The following TTC28 variants were observed in gnomAD, a reference collection of about 807,000 sequenced individuals.
TTC28 encodes tetratricopeptide repeat domain 28, also known as tetratricopeptide repeat protein 28.
A neutral mutation model predicts 198.0 loss-of-function variants in TTC28; 61 were observed. The ratio of observed to expected loss-of-function variants is 0.31; its 90% CI spans 0.25 to 0.38. TTC28 has a LOEUF of 0.38. Ranked by LOEUF, TTC28 falls within the 10% of genes least tolerant of loss-of-function variation. The probability of loss-of-function intolerance (pLI) is 1.00; values close to 1 mark genes in which losing one functional copy is unlikely to be tolerated. For missense variants in TTC28, 2,678 were observed against 3,164.0 expected, an observed-to-expected ratio of 0.85 and a Z score of 3.69; for synonymous variants, 1,171 against 1,297.8, an observed-to-expected ratio of 0.90 and a Z score of 2.10.
In TTC28 at chr22:28,629,555, T is replaced by C; in HGVS notation, c.378A>G (p.Pro126=). 1.3e-6 allele frequency: 2 copies of C among 1,546,836 alleles called. No individual in the cohort carries two copies. The highest frequency in any genetic ancestry group is 1.7e-6 in the Non-Finnish European group (2 of 1,144,404). The change falls in exon 2 of 23, where the codon CCA becomes CCG. Residue 126 remains proline, a synonymous_variant. Transcript: ENST00000397906. ...IKARLLNPKW[P]KAYFRQGVAL... is the part of the protein sequence containing the mutation. ...CTTCATAGGTAAAAATTTCTACCTT[T>C]GGCCACTTGGGATTGAGAAGTCGAG...
chr22:28,272,224 C>A (rs983711643), intron 5 of TTC28, among the ~76,000 whole-genome samples: 4 of 152,128 alleles, frequency 2.6e-5, no homozygotes, highest in African/African-American at 9.7e-5. Context: ...AATGTTAGCA[C>A]AATTTCAAAA....
chr22:28,129,727 G>C (rs1179799766), intron 6 of TTC28, among the ~76,000 whole-genome samples: 1 of 152,188 alleles, frequency 6.6e-6, no homozygotes, highest in Non-Finnish European at 1.5e-5. Context: ...CATGTGGTAA[G>C]GTTGATGTCA....
At chr22:28,489,570 G>T (rs2048349733) in intron 2 of TTC28, among the ~76,000 whole-genome samples, 1 of 152,046 alleles carries the variant, frequency 6.6e-6, no homozygotes, top group Non-Finnish European at 1.5e-5. Context: ...GAAAACAGTA[G>T]GATATTTTTC....
chr22:28,591,032 CACACACACATATATATATAT>C (rs1480939634), intron 2 of TTC28, among the ~76,000 whole-genome samples: 1,855 of 62,336 alleles, frequency 0.03, 28 homozygotes, highest in East Asian at 0.13. Context: ...CACACACACA[CACACACACATATATATATAT>C]ATATATATAT....
At position 27,998,585 on chromosome 22, in the gene TTC28, C is replaced by A. The variant is rs1396685271; in HGVS notation, c.5074G>T (p.Val1692Leu). 1 of 1,550,810 alleles carries A rather than the reference C, an allele frequency of 6.4e-7. No individual in the cohort carries two copies. The highest frequency in any genetic ancestry group is 8.7e-7 in the Non-Finnish European group (1 of 1,146,998). ...GAGAAGGCCTTGCTGCTCTGCACCACCTTCATGGCCTCCCCCAGGGCGGCG... is the reference window on the plus strand; with the variant it reads ...GAGAAGGCCTTGCTGCTCTGCACCAACTTCATGGCCTCCCCCAGGGCGGCG... ...ASAALGEAMKVVQSSKAFSHP... is the reference protein window; with the variant it reads ...ASAALGEAMKLVQSSKAFSHP... Residue 1692 changes from valine to leucine, a missense_variant, in exon 16 of 23, where the codon GTG becomes TTG. Val to Leu is a conservative substitution (Grantham distance 32). Transcript: ENST00000397906.
chr22:28,337,889 T>C (rs1255704473), intron 2 of TTC28, among the ~76,000 whole-genome samples: 3 of 152,238 alleles, frequency 2.0e-5, no homozygotes, highest in South Asian at 2.1e-4. Context: ...CTTTATGATG[T>C]TAGCTGGTTA....
intron 5 of TTC28, among the ~76,000 whole-genome samples, chr22:28,194,609 C>CT (rs2147137936): frequency 6.6e-6 from 1 of 152,052 alleles, no homozygotes; most frequent in African/African-American, 2.4e-5. Flanking sequence ...GATATCACCA[C>CT]CGATCCCACA....
At chr22:28,348,838 T>C (rs2045948252) in intron 2 of TTC28, among the ~76,000 whole-genome samples, 2 of 152,190 alleles carry the variant, frequency 1.3e-5, no homozygotes, top group South Asian at 2.1e-4. Context: ...AGGTCAGTGT[T>C]TCTCTCTAGT....
chr22:28,192,183 T>C (rs1924875287), intron 5 of TTC28, among the ~76,000 whole-genome samples: 1 of 152,206 alleles, frequency 6.6e-6, no homozygotes, highest in Non-Finnish European at 1.5e-5. Flanking sequence ...AAACAGGGTC[T>C]GGAGTGGACC....
At chr22:28,223,807 A>C (rs1928069300) in intron 5 of TTC28, among the ~76,000 whole-genome samples, 1 of 152,222 alleles carries the variant, frequency 6.6e-6, no homozygotes. Context: ...GTTCACAAGA[A>C]AGTTATAAAA....
At chr22:28,003,374 G>C (rs1937794097) in intron 14 of TTC28, among the ~76,000 whole-genome samples, 1 of 152,178 alleles carries the variant, frequency 6.6e-6, no homozygotes, top group Non-Finnish European at 1.5e-5. Flanking sequence ...AGTGGGAACT[G>C]TGCTGCCTGA....
intron 2 of TTC28, among the ~76,000 whole-genome samples, chr22:28,335,874 T>C (rs1373551316): frequency 6.6e-6 from 1 of 152,224 alleles, no homozygotes; most frequent in Non-Finnish European, 1.5e-5. Context: ...TCCAATACTA[T>C]GTTGAATAGG....
At chr22:28,534,593 G>T (rs2049222405) in intron 2 of TTC28, among the ~76,000 whole-genome samples, 1 of 152,140 alleles carries the variant, frequency 6.6e-6, no homozygotes, top group Non-Finnish European at 1.5e-5. Flanking sequence ...AAATCATGCT[G>T]CTATAATGAC....
In TTC28 at chr22:28,672,776, A is replaced by C. The variant is rs542980542; in HGVS notation, c.102+6846T>G. 2.6e-5 allele frequency among the ~76,000 whole-genome samples: 4 copies of C among 152,378 alleles called. No individual in the cohort carries two copies. The South Asian group carries it at 8.3e-4, about 32-fold the overall frequency. Reference sequence around the variant, plus strand: ...TAACTGGAGAGTAGAACAGAAAAAGAGGGCAAGTAGGTGTTGTAGTATGGC... The same window carrying C: ...TAACTGGAGAGTAGAACAGAAAAAGCGGGCAAGTAGGTGTTGTAGTATGGC... On this transcript the variant is annotated intron_variant, in intron 1 of 22. Coordinates refer to ENST00000397906, the MANE Select transcript of TTC28 (RefSeq NM_001145418.2).
intron 2 of TTC28, among the ~76,000 whole-genome samples, chr22:28,415,796 C>T (rs1420896375): frequency 1.3e-5 from 2 of 152,274 alleles, no homozygotes; most frequent in South Asian, 4.1e-4. Context: ...TATGCTACTA[C>T]AGTTGTACAT....
intron 13 of TTC28, among the ~76,000 whole-genome samples, chr22:28,018,289 G>A (rs1293990851): frequency 1.6e-5 from 2 of 128,882 alleles, no homozygotes; most frequent in African/African-American, 3.2e-5. Flanking sequence ...ATGTGTGTGC[G>A]CGCGTGTGTG....
chr22:28,539,322 G>A (rs1243892035), intron 2 of TTC28, among the ~76,000 whole-genome samples: 1 of 152,102 alleles, frequency 6.6e-6, no homozygotes, highest in African/African-American at 2.4e-5. Context: ...GTCAGGAATA[G>A]ATTCTTGAGG....
At chr22:28,295,685 C>A (rs1292904381) in intron 5 of TTC28, among the ~76,000 whole-genome samples, 37 of 152,134 alleles carry the variant, frequency 2.4e-4, no homozygotes, top group Non-Finnish European at 3.1e-4. Flanking sequence ...TGAATATTAA[C>A]TCTTTGAACA....
chr22:27,981,229 AATTTTTTTTTTTTTTTT>A lies in TTC28; in HGVS notation c.*975_*991del, dbSNP rs1937004530. ...CTGGTTAAATCTAGTTAGCCATGGA[AATTTTTTTTTTTTTTTT>A]TTTTTTTTTTTTTTTTTTTTTGCTT... On this transcript the variant is annotated 3_prime_UTR_variant, in exon 23 of 23. Transcript: ENST00000397906. The A allele has an allele frequency of 2.8e-5, 2 of 72,686 alleles. No individual in the cohort carries two copies. The highest frequency in any genetic ancestry group is 9.8e-5 in the African/African-American group (2 of 20,420). 4.5% of individuals were successfully genotyped at this position (72,686 alleles called of 1,614,324 possible).
Sources: gnomAD v4.1 joint callset for allele counts (sites outside exome capture counted in the v4.1 genomes callset) on GRCh38, gnomAD v4.1.1 for gene constraint, MANE v1.5 for transcripts, NCBI Gene and HGNC (gene_info 2026-07-23, HGNC 2026-07-21) for gene names.